The following LANCL1 variants were observed in gnomAD, a reference collection of about 807,000 sequenced individuals.
LANCL1 encodes the protein LanC like glutathione S-transferase 1.
LANCL1 carries 50 observed loss-of-function variants against 50.6 expected under a neutral mutation model. That is an observed-to-expected ratio of 0.99 (90% CI 0.79 to 1.25). The LOEUF (loss-of-function observed/expected upper bound fraction) is 1.25, where lower values mean the gene tolerates loss of function less well. Ranked by LOEUF, LANCL1 falls within the 50% of genes most tolerant of loss-of-function variation. The probability of loss-of-function intolerance (pLI) is 0.00; values close to 1 mark genes in which losing one functional copy is unlikely to be tolerated. For synonymous variants in LANCL1, 188 were observed against 178.6 expected (o/e 1.05, Z -0.42); for missense variants, 532 against 480.7 (o/e 1.11, Z -1.00).
intron 4 of LANCL1, among the ~76,000 whole-genome samples, chr2:210,449,134 C>T (rs567906808): frequency 3.3e-4 from 51 of 152,312 alleles, no homozygotes; most frequent in African/African-American, 1.1e-3. Flanking sequence ...TCCAGCAGCA[C>T]ATCAAAAAGC....
intron 4 of LANCL1, among the ~76,000 whole-genome samples, chr2:210,454,215 TACATACACAC>T (rs1693595579): frequency 7.8e-6 from 1 of 127,842 alleles, no homozygotes; most frequent in African/African-American, 3.0e-5. Flanking sequence ...GAGATATGCA[TACATACACAC>T]ACACACACAC....
At chr2:210,464,835 G>A (rs964394599) in intron 3 of LANCL1, among the ~76,000 whole-genome samples, 10 of 150,032 alleles carry the variant, frequency 6.7e-5, no homozygotes, top group Non-Finnish European at 8.8e-5. Flanking sequence ...GTGCGGTGGC[G>A]GGCGCCTGTA....
At chr2:210,435,101 AG>A (rs1401567459) in intron 9 of LANCL1, among the ~76,000 whole-genome samples, 16 of 152,100 alleles carry the variant, frequency 1.1e-4, no homozygotes, top group Non-Finnish European at 5.9e-5. Flanking sequence ...TATGACATGA[AG>A]GTAGTAGTGC....
At chr2:210,439,098 T>C (rs781695844) in intron 6 of LANCL1, among the ~76,000 whole-genome samples, 3 of 152,172 alleles carry the variant, frequency 2.0e-5, no homozygotes, top group Middle Eastern at 3.2e-3. Flanking sequence ...AGTGTTACAG[T>C]AGAATGAGTG....
chr2:210,471,333 C>T (rs1294664535), intron 3 of LANCL1, among the ~76,000 whole-genome samples: 1 of 151,742 alleles, frequency 6.6e-6, no homozygotes, highest in African/African-American at 2.4e-5. Flanking sequence ...GTGTGAGCCA[C>T]TGCGCCCAGC....
intron 7 of LANCL1, among the ~76,000 whole-genome samples, chr2:210,437,470 T>C (rs1574412305): frequency 1.3e-5 from 2 of 152,168 alleles, no homozygotes; most frequent in East Asian, 1.9e-4. Flanking sequence ...TCATAAACAA[T>C]ATCTCATTGC....
intron 6 of LANCL1, 140 bp from the exon 7 acceptor site, chr2:210,438,012 C>T (rs1038671123): frequency 3.2e-5 from 17 of 535,288 alleles, no homozygotes; most frequent in Non-Finnish European, 5.3e-5. Flanking sequence ...CCAATTTTTC[C>T]ACCTATTGGA....
intron 3 of LANCL1, chr2:210,468,917 C>T (rs1694148680): frequency 6.6e-6 from 1 of 152,196 alleles, no homozygotes; most frequent in Non-Finnish European, 1.5e-5. Context: ...GTATAGATAA[C>T]TGAACCTAAT....
chr2:210,463,553 A>C (rs1693939741), intron 3 of LANCL1, among the ~76,000 whole-genome samples: 1 of 152,234 alleles, frequency 6.6e-6, no homozygotes, highest in African/African-American at 2.4e-5. Flanking sequence ...CTGTCCTCCA[A>C]CAGTCAAATG....
chr2:210,445,725 A>G (rs1044249430), intron 4 of LANCL1, among the ~76,000 whole-genome samples: 36 of 152,332 alleles, frequency 2.4e-4, no homozygotes, highest in African/African-American at 8.7e-4. Context: ...ATTTGTTTTG[A>G]TATGTTGATA....
At chr2:210,442,934 G>A (rs1693190633) in intron 4 of LANCL1, among the ~76,000 whole-genome samples, 1 of 152,208 alleles carries the variant, frequency 6.6e-6, no homozygotes, top group Non-Finnish European at 1.5e-5. Context: ...CTGGGAGCAG[G>A]TGCGAAGACA....
intron 3 of LANCL1, among the ~76,000 whole-genome samples, chr2:210,470,118 T>C (rs1694181447): frequency 6.6e-6 from 1 of 152,208 alleles, no homozygotes; most frequent in African/African-American, 2.4e-5. Context: ...CCTGTTTTGT[T>C]CAAACCACGA....
rs573107172 is a variant in LANCL1, at chr2:210,445,550, A to C, written c.408-4107T>G. ...TTGGGTTCGATGATTACTAGGACTT[A>C]ACTGCAAGTTGTACATGCTATATTC... On this transcript the variant is annotated intron_variant, in intron 4 of 9. Coordinates refer to ENST00000450366, the MANE Select transcript of LANCL1 (RefSeq NM_006055.3). 2.6e-5 allele frequency among the ~76,000 whole-genome samples: 4 copies of C among 152,282 alleles called. No individual in the cohort carries two copies. In the South Asian group the frequency reaches 8.3e-4, roughly 32 times the overall value.
chr2:210,440,626 A>G lies in LANCL1; in HGVS notation c.662T>C (p.Leu221Pro), dbSNP rs200838829. 6.2e-7 allele frequency: 1 copy of G among 1,612,796 alleles called. No homozygotes were observed. ...QEYYVGAAHG[L>P]AGIYYYLMQP... The stretch of plus-strand genomic sequence containing the variant: ...CATCAGGTAGTAATAAATTCCAGCC[A>G]GGCCATGAGCAGCCCCTACATAATA... The change falls in exon 6 of 10, where the codon CTG becomes CCG. Residue 221 changes from leucine (L) to proline (P), a missense_variant. Transcript: ENST00000450366.
intron 2 of LANCL1, among the ~76,000 whole-genome samples, chr2:210,472,739 T>C (rs1441005386): frequency 2.0e-5 from 3 of 152,206 alleles, no homozygotes; most frequent in African/African-American, 7.2e-5. Context: ...CTTCTTTATG[T>C]TTCAAATACC....
intron 3 of LANCL1, among the ~76,000 whole-genome samples, chr2:210,462,023 T>C (rs1015182053): frequency 6.6e-6 from 1 of 152,232 alleles, no homozygotes; most frequent in Non-Finnish European, 1.5e-5. Context: ...TTTTGTGGTT[T>C]CCATTTTATA....
At chr2:210,438,129 C>CT (rs1693000644) in intron 6 of LANCL1, among the ~76,000 whole-genome samples, 1 of 141,814 alleles carries the variant, frequency 7.1e-6, no homozygotes, top group African/African-American at 2.6e-5. Context: ...TATGGTTTTT[C>CT]TTTCTTTTTT....
chr2:210,461,217 C>T (rs979492790), intron 3 of LANCL1, among the ~76,000 whole-genome samples: 3 of 152,030 alleles, frequency 2.0e-5, no homozygotes, highest in African/African-American at 7.2e-5. Context: ...CAATTGCATT[C>T]ATCTATCTAG....
intron 4 of LANCL1, 51 bp from the exon 5 acceptor site, chr2:210,441,494 G>A (rs1693133661): frequency 6.7e-7 from 1 of 1,500,766 alleles, no homozygotes; most frequent in African/African-American, 1.4e-5. Flanking sequence ...CCAGGTATTG[G>A]TGTATACTTA....
Sources: allele counts gnomAD v4.1 joint callset (sites outside exome capture counted in the v4.1 genomes callset), GRCh38; gene constraint gnomAD v4.1.1; transcripts MANE v1.5; gene names NCBI Gene and HGNC (gene_info 2026-07-23, HGNC 2026-07-21).